Variants in YJEFN3 observed in about 807,000 individuals in gnomAD.
The protein encoded by YJEFN3 is YjeF N-terminal domain containing 3.
Under a neutral mutation model 31.5 loss-of-function variants are expected in YJEFN3, and 29 were observed. The observed-to-expected ratio is 0.92, with a 90% confidence interval of 0.69 to 1.26. The LOEUF (loss-of-function observed/expected upper bound fraction) is 1.26, where lower values mean the gene tolerates loss of function less well. Among genes scored for constraint, YJEFN3 ranks in the 50% most tolerant of loss-of-function variants. YJEFN3 has a pLI of 0.00. For synonymous variants in YJEFN3, 227 were observed against 196.1 expected, an observed-to-expected ratio of 1.16 and a Z score of -1.32; for missense variants, 442 against 425.4, an observed-to-expected ratio of 1.04 and a Z score of -0.34.
chr19:19,533,662 A>G (rs1420144044), intron 3 of YJEFN3: 2 of 982,562 alleles, frequency 2.0e-6, no homozygotes, highest in African/African-American at 1.8e-5. Flanking sequence ...TTTTCTTCTT[A>G]TTACCACGGT....
intron 1 of YJEFN3, 61 bp downstream of exon 1, chr19:19,529,052 G>A (rs1404711223): frequency 1.4e-5 from 21 of 1,542,086 alleles, no homozygotes; most frequent in East Asian, 4.9e-5. Flanking sequence ...GGAGCAGCCC[G>A]TAGGACCGGA....
chr19:19,532,636 G>A lies in YJEFN3; in HGVS notation c.214G>A (p.Ala72Thr), dbSNP rs759935841. 9 of 1,550,856 alleles carry A rather than the reference G, an allele frequency of 5.8e-6. No individual in the cohort carries two copies. The highest frequency in any genetic ancestry group is 5.7e-5 in the Admixed American group (3 of 52,874). ...CCCATCCCACTCTGTCCCCAGCACC[G>A]CGGAGGCAGCCGCCCTGGAGCGGGA... ...WNAGPVCQST[A>T]EAAALERELL... Residue 72 changes from alanine to threonine, a missense_variant, in exon 3 of 7, where the codon GCG (alanine) becomes ACG (threonine). By Grantham distance (58) the Ala-to-Thr change is moderately conservative. Coordinates refer to ENST00000514277, the MANE Select transcript of YJEFN3 (RefSeq NM_198537.4).
In YJEFN3 at chr19:19,535,514, G is replaced by A. The variant is rs764611142; in HGVS notation, c.544-15G>A. The stretch of plus-strand genomic sequence containing the variant: ...AGTGGCCCTGGGCCACCCTGACCCT[G>A]CCTGCCTTCCCCAGGTGCAGCTCAT... On this transcript the variant is annotated splice_polypyrimidine_tract_variant and intron_variant, in intron 5 of 6. Coordinates refer to ENST00000514277, the MANE Select transcript of YJEFN3 (RefSeq NM_198537.4). 6.2e-7 allele frequency: 1 copy of A among 1,608,686 alleles called. No homozygotes were observed. The highest frequency in any genetic ancestry group is 1.1e-5 in the South Asian group (1 of 90,756).
chr19:19,530,758 C>T (rs77355955), intron 2 of YJEFN3, among the ~76,000 whole-genome samples: 71 of 152,328 alleles, frequency 4.7e-4, no homozygotes, highest in African/African-American at 1.6e-3. Context: ...TTCCTCACCC[C>T]GTCCTTCAAC....
At chr19:19,537,162 G>C (rs1430697299) in intron 6 of YJEFN3, 157 bp from the exon 7 acceptor site, 8 of 666,794 alleles carry the variant, frequency 1.2e-5, no homozygotes, top group Non-Finnish European at 2.0e-5. Context: ...TGGGTCTGAT[G>C]GGGGAGGGGA....
At chr19:19,537,045 T>A (rs918990145) in intron 6 of YJEFN3, among the ~76,000 whole-genome samples, 1 of 151,972 alleles carries the variant, frequency 6.6e-6, no homozygotes, top group Non-Finnish European at 1.5e-5. Context: ...CTGGTCTGAT[T>A]GGGAGGGAAA....
intron 3 of YJEFN3, chr19:19,533,768 G>GA (rs1328415487): frequency 1.8e-5 from 18 of 985,300 alleles, no homozygotes; most frequent in Non-Finnish European, 1.8e-5. Flanking sequence ...AAAGGAGAAG[G>GA]AAAATCAAAA....
chr19:19,533,290 C>G (rs2061175985), intron 3 of YJEFN3: 1 of 985,860 alleles, frequency 1.0e-6, no homozygotes, highest in African/African-American at 1.7e-5. Context: ...GCCAGCAGTG[C>G]TGGGCATCAG....
intron 6 of YJEFN3, chr19:19,536,102 G>T: frequency 2.3e-6 from 1 of 443,286 alleles, no homozygotes; most frequent in South Asian, 3.0e-5. Flanking sequence ...CTGGCTCTCG[G>T]GATCCCAGGG....
At position 19,535,582 on chromosome 19, in the gene YJEFN3, C is replaced by A. The variant is rs372809029; in HGVS notation, c.597C>A (p.Pro199=). The A allele has an allele frequency of 1.3e-6, 2 of 1,581,092 alleles. No individual in the cohort carries two copies. The highest frequency in any genetic ancestry group is 1.8e-5 in the Admixed American group (1 of 55,772). The stretch of plus-strand genomic sequence containing the variant: ...TGGTGGTGGATGCCGTACTGGGCCC[C>A]GGCGTGGAGCCGGGCGAGGTCGGGG... ...YGLVVDAVLG[P]GVEPGEVGGP... is the part of the protein sequence containing the mutation. Residue 199 remains proline (P), a synonymous_variant, in exon 6 of 7, where the codon CCC becomes CCA. Transcript: ENST00000514277.
intron 2 of YJEFN3, among the ~76,000 whole-genome samples, chr19:19,530,815 T>C (rs2061148418): frequency 6.6e-6 from 1 of 152,296 alleles, no homozygotes; most frequent in South Asian, 2.1e-4. Flanking sequence ...AATTTGGCTC[T>C]GTTTACTGGG....
At chr19:19,535,907 C>T in intron 6 of YJEFN3, 1 of 642,436 alleles carries the variant, frequency 1.6e-6, no homozygotes, top group Non-Finnish European at 2.7e-6. Context: ...GTGCCCAGCC[C>T]ACATGCCCTC....
intron 6 of YJEFN3, 93 bp downstream of exon 6, chr19:19,535,772 C>T (rs989138027): frequency 1.6e-5 from 23 of 1,454,364 alleles, no homozygotes; most frequent in African/African-American, 2.8e-5. Context: ...CTGTCTGAAC[C>T]TCAATCTCCC....
chr19:19,530,231 T>G (rs1213875385), intron 2 of YJEFN3, among the ~76,000 whole-genome samples: 3 of 151,932 alleles, frequency 2.0e-5, no homozygotes, highest in Non-Finnish European at 4.4e-5. Flanking sequence ...GGGAAATCCT[T>G]GGGGCCTTGA....
At chr19:19,537,164 G>A (rs1266305200) in intron 6 of YJEFN3, 155 bp from the exon 7 acceptor site, 2 of 673,300 alleles carry the variant, frequency 3.0e-6, no homozygotes, top group Middle Eastern at 4.1e-4. Flanking sequence ...GGTCTGATGG[G>A]GGAGGGGAAG....
intron 4 of YJEFN3, 72 bp downstream of exon 4, chr19:19,535,216 C>T: frequency 6.6e-7 from 1 of 1,515,328 alleles, no homozygotes; most frequent in Non-Finnish European, 9.0e-7. Flanking sequence ...CTTTTGATAG[C>T]TTCCCAGGGG....
chr19:19,532,569 C>G, intron 2 of YJEFN3, 63 bp from the exon 3 acceptor site: 1 of 1,164,602 alleles, frequency 8.6e-7, no homozygotes, highest in Non-Finnish European at 1.2e-6. Context: ...CGGAACATTT[C>G]TGGCTCCATC....
Position 19,534,805 on chromosome 19 carries a change from T to C in YJEFN3, c.319-229T>C. ...GACGGGCAGTGGCTGGATGCACGTT[T>C]TTCCTGCACCGACCTGGCAGAGCCT... On this transcript the variant is annotated intron_variant, in intron 3 of 6. Coordinates refer to ENST00000514277, the MANE Select transcript of YJEFN3 (RefSeq NM_198537.4). This position sits in a 1 kb window ranked among gnomAD's most constrained non-coding sequence, Gnocchi z 4.6. The C allele has an allele frequency of 5.0e-6, 2 of 397,100 alleles. No individual in the cohort carries two copies. Among genetic ancestry groups the C allele is most frequent in the Non-Finnish European group, 8.9e-6 (2 of 224,088 alleles). The allele number at this position is 397,100 out of a possible 1,614,324, so 24.6% of individuals were successfully genotyped here. A position where few individuals can be genotyped will look rare whatever the true frequency, so the allele number is the denominator to read the frequency against.
chr19:19,537,439 GC>G lies in YJEFN3; in HGVS notation c.816del (p.Arg273GlyfsTer41). ...RFSGRHHFVA[G>X]RFVPDDVRRK... ...TCCGGGCGCCACCACTTCGTGGCCG[GC>G]AGGTTCGTGCCCGATGACGTGCGCC... is the stretch of plus-strand genomic sequence containing the variant. On this transcript the variant is annotated frameshift_variant, in exon 7 of 7. Coordinates refer to ENST00000514277, the MANE Select transcript of YJEFN3 (RefSeq NM_198537.4). LOFTEE classifies it high-confidence loss of function. 6.3e-7 allele frequency: 1 copy of G among 1,588,072 alleles called. No individual in the cohort carries two copies. Among genetic ancestry groups the G allele is most frequent in the South Asian group, 1.1e-5 (1 of 89,066 alleles).
Sources: allele counts gnomAD v4.1 joint callset (sites outside exome capture counted in the v4.1 genomes callset), GRCh38; gene constraint gnomAD v4.1.1; non-coding constraint Gnocchi (gnomAD v3.1); transcripts MANE v1.5; gene names NCBI Gene and HGNC (gene_info 2026-07-23, HGNC 2026-07-21).